XYLT1: variants seen among roughly 807,000 people sequenced by gnomAD.
XYLT1 encodes xylosyltransferase 1.
A neutral mutation model predicts 91.3 loss-of-function variants in XYLT1; 36 were observed. The ratio of observed to expected loss-of-function variants is 0.39; its 90% confidence interval spans 0.30 to 0.52. The LOEUF (loss-of-function observed/expected upper bound fraction) is 0.52. Among genes scored for constraint, XYLT1 ranks in the 20% least tolerant of loss-of-function variants. The probability of loss-of-function intolerance (pLI) is 0.68; values close to 1 mark genes in which losing one functional copy is unlikely to be tolerated. For synonymous variants in XYLT1, 588 were observed against 532.0 expected (o/e 1.11, Z -1.45); for missense variants, 1,242 against 1,284.5 (o/e 0.97, Z 0.51).
chr16:17,174,834 G>T (rs569135917), intron 5 of XYLT1, among the ~76,000 whole-genome samples: 2 of 152,234 alleles, frequency 1.3e-5, no homozygotes, highest in East Asian at 3.9e-4. Flanking sequence ...GCACTGGTGC[G>T]ATCTCCGCTC....
chr16:17,401,046 C>CTTTA (rs1054551142), intron 1 of XYLT1, among the ~76,000 whole-genome samples: 1 of 151,882 alleles, frequency 6.6e-6, no homozygotes, highest in African/African-American at 2.4e-5. Context: ...AGAGTCAATT[C>CTTTA]TTTAACATTA....
chr16:17,445,981 A>C (rs919950646), intron 1 of XYLT1: 1 of 151,914 alleles, frequency 6.6e-6, no homozygotes, highest in African/African-American at 2.4e-5. Flanking sequence ...GTCTATTCCA[A>C]CTCCCAGCTG....
chr16:17,191,448 C>T (rs1211600365), intron 5 of XYLT1, among the ~76,000 whole-genome samples: 2 of 152,222 alleles, frequency 1.3e-5, no homozygotes, highest in Non-Finnish European at 2.9e-5. Flanking sequence ...AAGGGCTTGA[C>T]TTCCCTGCAA....
In XYLT1 at chr16:17,446,906, C is replaced by G. The variant is rs1324411578; in HGVS notation, c.363+23528G>C. Among the ~76,000 whole-genome samples the G allele has an allele frequency of 8.7e-5, 13 of 150,094 alleles. No individual in the cohort carries two copies. The East Asian group carries it at 2.3e-3, about 27-fold the overall frequency. ...GTGCGGGGGACTGCAGCCAAACTCGCTGAACCAGACCCAGGGGAGCCCAAG... is the reference window on the plus strand; with the variant it reads ...GTGCGGGGGACTGCAGCCAAACTCGGTGAACCAGACCCAGGGGAGCCCAAG... On this transcript the variant is annotated intron_variant, in intron 1 of 11. Transcript: ENST00000261381.
At chr16:17,319,012 T>C (rs1307558517) in intron 2 of XYLT1, among the ~76,000 whole-genome samples, 1 of 152,130 alleles carries the variant, frequency 6.6e-6, no homozygotes, top group African/African-American at 2.4e-5. Context: ...GGTCTCAAAC[T>C]CCTAACCTCA....
intron 2 of XYLT1, among the ~76,000 whole-genome samples, chr16:17,307,051 G>T (rs1038451512): frequency 6.6e-6 from 1 of 152,228 alleles, no homozygotes. Flanking sequence ...GTAGTTATAT[G>T]AGCCTGCAGT....
At chr16:17,296,016 G>C (rs572554840) in intron 2 of XYLT1, among the ~76,000 whole-genome samples, 69 of 150,610 alleles carry the variant, frequency 4.6e-4, no homozygotes, top group African/African-American at 1.6e-3. Flanking sequence ...CGCATTCATA[G>C]AGTAAGGAAG....
chr16:17,364,944 G>A (rs913988148), intron 1 of XYLT1, among the ~76,000 whole-genome samples: 6 of 152,088 alleles, frequency 3.9e-5, no homozygotes, highest in African/African-American at 9.7e-5. Context: ...ACGCTGAACC[G>A]GAGAGACTTT....
At chr16:17,119,285 T>C (rs539049662) in intron 10 of XYLT1, among the ~76,000 whole-genome samples, 14 of 152,316 alleles carry the variant, frequency 9.2e-5, no homozygotes, top group African/African-American at 3.4e-4. Flanking sequence ...TTTGTTGCTA[T>C]TTCAAATCAA....
chr16:17,183,974 G>A (rs1030072509), intron 5 of XYLT1, among the ~76,000 whole-genome samples: 3 of 151,848 alleles, frequency 2.0e-5, no homozygotes, highest in Admixed American at 6.6e-5. Flanking sequence ...TAATACATGC[G>A]GTTCCTCCAG....
intron 1 of XYLT1, among the ~76,000 whole-genome samples, chr16:17,362,382 C>T (rs780618971): frequency 2.0e-5 from 3 of 152,254 alleles, no homozygotes; most frequent in South Asian, 2.1e-4. Flanking sequence ...TCAATCCACA[C>T]GTGTTTACTA....
At chr16:17,453,574 C>A (rs953553258) in intron 1 of XYLT1, among the ~76,000 whole-genome samples, 1 of 152,208 alleles carries the variant, frequency 6.6e-6, no homozygotes. Flanking sequence ...TGAGGCAGCA[C>A]CTCCGGGGAA....
intron 2 of XYLT1, among the ~76,000 whole-genome samples, chr16:17,306,231 G>A (rs1206892483): frequency 1.3e-5 from 2 of 152,114 alleles, no homozygotes; most frequent in Non-Finnish European, 2.9e-5. Context: ...TTGGGAGAGG[G>A]AAAAAGAACA....
chr16:17,171,841 T>C (rs2031826864), intron 5 of XYLT1, among the ~76,000 whole-genome samples: 1 of 152,228 alleles, frequency 6.6e-6, no homozygotes, highest in African/African-American at 2.4e-5. Flanking sequence ...AATGGTTTAG[T>C]AGCCTAAAAA....
chr16:17,256,864 C>T (rs966469126), intron 3 of XYLT1, among the ~76,000 whole-genome samples: 2 of 152,308 alleles, frequency 1.3e-5, no homozygotes, highest in South Asian at 2.1e-4. Flanking sequence ...CCTTCCTCCC[C>T]AATTCTGCAG....
rs1242286859 is a variant in XYLT1 at position 17,400,627 on chromosome 16, GGGAGGA to G, written c.364-42583_364-42578del. On this transcript the variant is annotated intron_variant, in intron 1 of 11. Transcript: ENST00000261381. ...AGAGAGGGAGGGAGGGAGGGAGGAA[GGGAGGA>G]AGGAAGGAAGGAAGGAAGGAAGGAA... 7.9e-4 allele frequency among the ~76,000 whole-genome samples: 107 copies of G among 136,188 alleles called. 1 individual carries two copies. Among genetic ancestry groups the G allele is most frequent in the Non-Finnish European group, 1.4e-3 (90 of 63,588 alleles). The allele number at this position is 136,188 out of a possible 152,430, so 89.3% of individuals were successfully genotyped here.
At position 17,106,387 on chromosome 16, in the gene XYLT1, C is replaced by A. The variant is rs535462711; in HGVS notation, c.*2308G>T. 2 of 152,296 alleles carry A rather than the reference C, an allele frequency of 1.3e-5. 1 individual carries two copies. Among genetic ancestry groups the A allele is most frequent in the South Asian group, 4.1e-4 (2 of 4,826 alleles). 9.4% of individuals were successfully genotyped at this position (152,296 alleles called of 1,614,324 possible). Reference sequence around the variant, plus strand: ...CAGAAAGAGGATGTGGCACCCAGCGCGTGGCCACCATAGAGTCTGTAAAAG... The same window carrying A: ...CAGAAAGAGGATGTGGCACCCAGCGAGTGGCCACCATAGAGTCTGTAAAAG... On this transcript the variant is annotated 3_prime_UTR_variant, in exon 12 of 12. Coordinates refer to ENST00000261381, the MANE Select transcript of XYLT1 (RefSeq NM_022166.4).
intron 9 of XYLT1, among the ~76,000 whole-genome samples, chr16:17,132,770 G>T (rs186890164): frequency 1.3e-5 from 2 of 152,216 alleles, no homozygotes; most frequent in Admixed American, 1.3e-4. Flanking sequence ...GGGTGTGCTG[G>T]TACATGCCTA....
intron 3 of XYLT1, among the ~76,000 whole-genome samples, chr16:17,202,516 T>A (rs1363693334): frequency 6.6e-6 from 1 of 152,146 alleles, no homozygotes; most frequent in African/African-American, 2.4e-5. Context: ...TCAAACAAGC[T>A]CATTTCTGCC....
Sources: gnomAD v4.1 joint callset for allele counts (sites outside exome capture counted in the v4.1 genomes callset) on GRCh38, gnomAD v4.1.1 for gene constraint, MANE v1.5 for transcripts, NCBI Gene and HGNC (gene_info 2026-07-23, HGNC 2026-07-21) for gene names.